The following DCC variants were observed in gnomAD, a reference collection of about 807,000 sequenced individuals.
DCC encodes DCC netrin 1 receptor.
A neutral mutation model predicts 172.5 loss-of-function variants in DCC; 58 were observed. The ratio of observed to expected loss-of-function variants is 0.34; its 90% CI spans 0.27 to 0.42. The LOEUF is 0.42. Ranked by LOEUF, DCC falls within the 10% of genes least tolerant of loss-of-function variation. DCC has a pLI of 1.00. For synonymous variants in DCC, 709 were observed against 644.5 expected (o/e 1.10, Z -1.52); for missense variants, 1,740 against 1,791.0 (o/e 0.97, Z 0.51).
At chr18:53,051,079 C>T (rs1413233561) in intron 5 of DCC, among the ~76,000 whole-genome samples, 1 of 152,020 alleles carries the variant, frequency 6.6e-6, no homozygotes, top group Non-Finnish European at 1.5e-5. Flanking sequence ...AAAATAAATA[C>T]ATTTGCCAAG....
chr18:52,889,045 A>C (rs761487075), intron 2 of DCC, among the ~76,000 whole-genome samples: 1 of 152,084 alleles, frequency 6.6e-6, no homozygotes, highest in Admixed American at 6.6e-5. Flanking sequence ...AGGAAGCTCA[A>C]CAGGGGAGGG....
At chr18:52,468,592 G>GCA (rs1988856351) in intron 1 of DCC, among the ~76,000 whole-genome samples, 1 of 152,124 alleles carries the variant, frequency 6.6e-6, no homozygotes, top group Non-Finnish European at 1.5e-5. Flanking sequence ...TAGTTAATAT[G>GCA]TTTAGCAATG....
At chr18:52,589,610 C>T (rs1042358263) in intron 1 of DCC, among the ~76,000 whole-genome samples, 6 of 152,170 alleles carry the variant, frequency 3.9e-5, no homozygotes, top group African/African-American at 1.4e-4. Context: ...GTACAATCCT[C>T]TTCTCTGTTC....
chr18:52,400,761 G>A (rs1986405627), intron 1 of DCC, among the ~76,000 whole-genome samples: 1 of 152,074 alleles, frequency 6.6e-6, no homozygotes. Context: ...ATACTATGCA[G>A]CCATAAAAAG....
At chr18:52,938,047 C>A (rs952618447) in intron 5 of DCC, among the ~76,000 whole-genome samples, 2 of 152,100 alleles carry the variant, frequency 1.3e-5, no homozygotes, top group African/African-American at 4.8e-5. Flanking sequence ...TAAGTGGCAT[C>A]ATAATCATTG....
chr18:53,482,717 ATTTATG>A (rs150189091), intron 25 of DCC, among the ~76,000 whole-genome samples: 43,117 of 151,876 alleles, frequency 0.28, 6,202 homozygotes, highest in East Asian at 0.4. Flanking sequence ...ACATTGTCAC[ATTTATG>A]AGTAAAAAGT....
At chr18:53,243,647 A>G (rs2056331726) in intron 12 of DCC, among the ~76,000 whole-genome samples, 1 of 152,174 alleles carries the variant, frequency 6.6e-6, no homozygotes, top group South Asian at 2.1e-4. Flanking sequence ...AAGAAGCTGC[A>G]AGGAAACTTA....
chr18:52,795,644 G>A (rs975572836), intron 2 of DCC, among the ~76,000 whole-genome samples: 2 of 151,680 alleles, frequency 1.3e-5, no homozygotes, highest in African/African-American at 2.4e-5. Context: ...TGCTAATTTT[G>A]TTCTGTTTTC....
At chr18:52,853,204 A>G (rs1288103773) in intron 2 of DCC, among the ~76,000 whole-genome samples, 2 of 152,164 alleles carry the variant, frequency 1.3e-5, no homozygotes, top group Non-Finnish European at 1.5e-5. Context: ...TTGCTTTCAC[A>G]GGCCACAAAG....
At chr18:52,698,016 A>G (rs2036041842) in intron 1 of DCC, among the ~76,000 whole-genome samples, 1 of 152,242 alleles carries the variant, frequency 6.6e-6, no homozygotes, top group South Asian at 2.1e-4. Flanking sequence ...CTAATTTTAG[A>G]ATAAATGAAG....
chr18:53,093,860 A>T (rs527606232), intron 7 of DCC, among the ~76,000 whole-genome samples: 11 of 151,962 alleles, frequency 7.2e-5, no homozygotes, highest in Non-Finnish European at 1.6e-4. Flanking sequence ...ACCTTGCTCT[A>T]CTCTCTCATC....
intron 2 of DCC, among the ~76,000 whole-genome samples, chr18:52,861,177 G>A (rs1202301051): frequency 6.6e-6 from 1 of 152,126 alleles, no homozygotes; most frequent in South Asian, 2.1e-4. Flanking sequence ...TTTTCTAGAG[G>A]TTTCAAAATA....
At chr18:52,610,797 AT>A (rs1339908553) in intron 1 of DCC, among the ~76,000 whole-genome samples, 8 of 152,122 alleles carry the variant, frequency 5.3e-5, no homozygotes, top group Non-Finnish European at 1.2e-4. Flanking sequence ...ATTTCATATA[AT>A]TTTTTAAGTT....
chr18:52,511,695 G>A (rs754213283), intron 1 of DCC, among the ~76,000 whole-genome samples: 13 of 152,126 alleles, frequency 8.5e-5, no homozygotes, highest in Non-Finnish European at 1.3e-4. Context: ...GAATTCTCGC[G>A]TTAAAGTTCA....
chr18:52,906,715 C>A (rs748405257), intron 3 of DCC, among the ~76,000 whole-genome samples: 9 of 151,646 alleles, frequency 5.9e-5, no homozygotes, highest in Non-Finnish European at 1.0e-4. Flanking sequence ...AAATTTGCAA[C>A]GTTAAGAACA....
chr18:52,792,674 G>GCC (rs1568106902), intron 2 of DCC, among the ~76,000 whole-genome samples: 1 of 150,892 alleles, frequency 6.6e-6, no homozygotes, highest in Non-Finnish European at 1.5e-5. Context: ...GCATGCTAAT[G>GCC]GTATTTTTAA....
At chr18:53,493,683 G>C (rs1038523378) in intron 26 of DCC, among the ~76,000 whole-genome samples, 6 of 152,062 alleles carry the variant, frequency 3.9e-5, no homozygotes, top group Non-Finnish European at 2.9e-5. Flanking sequence ...CTGGCTAGCA[G>C]TCTATTTTGT....
chr18:52,761,908 CAAA>C (rs1222086354), intron 2 of DCC, among the ~76,000 whole-genome samples: 3 of 48,456 alleles, frequency 6.2e-5, no homozygotes, highest in Admixed American at 2.3e-4. Context: ...GACTCTGTCT[CAAA>C]AAAAAAAAAA....
intron 1 of DCC, among the ~76,000 whole-genome samples, chr18:52,561,100 G>T (rs1568229849): frequency 6.6e-6 from 1 of 151,898 alleles, no homozygotes; most frequent in Non-Finnish European, 1.5e-5. Flanking sequence ...CTTTATTCAA[G>T]ATTTTTTTTA....
Sources: gnomAD v4.1 joint callset for allele counts (sites outside exome capture counted in the v4.1 genomes callset) on GRCh38, gnomAD v4.1.1 for gene constraint, MANE v1.5 for transcripts, NCBI Gene and HGNC (gene_info 2026-07-23, HGNC 2026-07-21) for gene names.